GRIN2B: variants seen among roughly 807,000 people sequenced by gnomAD.
GRIN2B encodes glutamate receptor ionotropic, NMDA 2B.
A neutral mutation model predicts 114.5 loss-of-function variants in GRIN2B; 5 were observed. The ratio of observed to expected loss-of-function variants is 0.04; its 90% CI spans 0.02 to 0.09. The LOEUF (loss-of-function observed/expected upper bound fraction) is 0.09. GRIN2B is among the 10% of genes least tolerant of loss of function. The pLI, the probability that GRIN2B is intolerant of heterozygous loss-of-function variation, is 1.00. For missense variants in GRIN2B, 1,108 were observed against 1,943.5 expected (o/e 0.57, Z 8.08); for synonymous variants, 787 against 745.1 (o/e 1.06, Z -0.92).
intron 3 of GRIN2B, among the ~76,000 whole-genome samples, chr12:13,782,979 T>C (rs1343515675): frequency 1.3e-5 from 2 of 152,234 alleles, no homozygotes; most frequent in East Asian, 1.9e-4. Context: ...ATTTAGAGGA[T>C]GCCAGTGACT....
At chr12:13,769,427 T>A (rs1396009126) in intron 3 of GRIN2B, among the ~76,000 whole-genome samples, 1 of 152,136 alleles carries the variant, frequency 6.6e-6, no homozygotes, top group Non-Finnish European at 1.5e-5. Flanking sequence ...TCATACTCAG[T>A]GTTTCGTGCA....
intron 5 of GRIN2B, among the ~76,000 whole-genome samples, chr12:13,665,456 C>G: frequency 6.6e-6 from 1 of 152,096 alleles, no homozygotes; most frequent in East Asian, 1.9e-4. Flanking sequence ...GTCCTCTTGT[C>G]TATGAATTTA....
At chr12:13,845,016 G>A (rs192074613) in intron 3 of GRIN2B, among the ~76,000 whole-genome samples, 1 of 152,130 alleles carries the variant, frequency 6.6e-6, no homozygotes, top group East Asian at 1.9e-4. Context: ...GCATACTTGA[G>A]CACTTCTTTC....
intron 4 of GRIN2B, among the ~76,000 whole-genome samples, chr12:13,729,372 T>C (rs891319470): frequency 6.6e-6 from 1 of 152,202 alleles, no homozygotes; most frequent in Non-Finnish European, 1.5e-5. Flanking sequence ...CAGAGTCCTA[T>C]CTTCCTTCTG....
Position 13,561,833 on chromosome 12 carries a change from C to G in GRIN2B, c.*950G>C, listed in dbSNP as rs2136400749. On this transcript the variant is annotated 3_prime_UTR_variant, in exon 14 of 14. Coordinates refer to ENST00000609686, the MANE Select transcript of GRIN2B (RefSeq NM_000834.5). ...GCTCACCGCCTTTTTTTGTTTAGACCACAGAATCTTCTTTATCAAGAATTT... is the reference window on the plus strand; with the variant it reads ...GCTCACCGCCTTTTTTTGTTTAGACGACAGAATCTTCTTTATCAAGAATTT... 1 of 152,668 alleles carries G rather than the reference C, an allele frequency of 6.6e-6. No individual in the cohort carries two copies. The allele number at this position is 152,668 out of a possible 1,614,324, so 9.5% of individuals were successfully genotyped here.
intron 3 of GRIN2B, among the ~76,000 whole-genome samples, chr12:13,814,808 A>T (rs1474283273): frequency 1.3e-5 from 2 of 152,216 alleles, no homozygotes; most frequent in Non-Finnish European, 2.9e-5. Context: ...TTTAAATTGA[A>T]ATCTAAATAG....
At chr12:13,574,965 G>A (rs906894607) in intron 10 of GRIN2B, among the ~76,000 whole-genome samples, 1 of 152,148 alleles carries the variant, frequency 6.6e-6, no homozygotes, top group African/African-American at 2.4e-5. Context: ...GAGATAGGAT[G>A]GCCTTTAACA....
chr12:13,752,211 T>C (rs1372504690), intron 4 of GRIN2B, among the ~76,000 whole-genome samples: 2 of 152,210 alleles, frequency 1.3e-5, no homozygotes, highest in African/African-American at 4.8e-5. Flanking sequence ...AGCTAGATAG[T>C]GAGTACCTGA....
At chr12:13,733,012 T>C (rs747018255) in intron 4 of GRIN2B, among the ~76,000 whole-genome samples, 2 of 152,062 alleles carry the variant, frequency 1.3e-5, no homozygotes, top group Non-Finnish European at 2.9e-5. Flanking sequence ...CACACACATA[T>C]ATTAAAAGTT....
At chr12:13,744,717 G>A (rs2097964535) in intron 4 of GRIN2B, among the ~76,000 whole-genome samples, 2 of 152,312 alleles carry the variant, frequency 1.3e-5, no homozygotes, top group African/African-American at 4.8e-5. Context: ...GATTTCAGCA[G>A]CGGGAAGCCC....
intron 4 of GRIN2B, among the ~76,000 whole-genome samples, chr12:13,724,083 C>T (rs747566137): frequency 9.2e-5 from 14 of 152,102 alleles, no homozygotes; most frequent in Non-Finnish European, 1.9e-4. Flanking sequence ...CTCCTCCCCT[C>T]TTGCCAAAGG....
chr12:13,875,442 G>T (rs982429990), intron 2 of GRIN2B, among the ~76,000 whole-genome samples: 1 of 152,124 alleles, frequency 6.6e-6, no homozygotes, highest in Non-Finnish European at 1.5e-5. Context: ...CAGGAGAATC[G>T]CTTGAACCCA....
intron 2 of GRIN2B, among the ~76,000 whole-genome samples, chr12:13,943,054 C>T (rs764638579): frequency 2.6e-5 from 4 of 152,072 alleles, no homozygotes; most frequent in Non-Finnish European, 4.4e-5. Context: ...AGGGATGCCA[C>T]AGGGAATTAG....
intron 2 of GRIN2B, among the ~76,000 whole-genome samples, chr12:13,912,771 G>T (rs977848166): frequency 1.3e-5 from 2 of 152,066 alleles, no homozygotes; most frequent in African/African-American, 4.8e-5. Flanking sequence ...GGAGTTCTTC[G>T]GGGGAGTGAA....
intron 2 of GRIN2B, among the ~76,000 whole-genome samples, chr12:13,923,835 C>T (rs1866866491): frequency 6.6e-6 from 1 of 152,130 alleles, no homozygotes; most frequent in Non-Finnish European, 1.5e-5. Flanking sequence ...AGCCAGTCTA[C>T]CCTCAGCCCA....
At chr12:13,612,654 T>C (rs1949380931) in intron 8 of GRIN2B, among the ~76,000 whole-genome samples, 1 of 152,248 alleles carries the variant, frequency 6.6e-6, no homozygotes, top group African/African-American at 2.4e-5. Context: ...ATGCTTTCTT[T>C]AATATCTTTA....
intron 3 of GRIN2B, among the ~76,000 whole-genome samples, chr12:13,838,508 A>C (rs1865319152): frequency 6.6e-6 from 1 of 151,722 alleles, no homozygotes; most frequent in Non-Finnish European, 1.5e-5. Context: ...TTATCACATT[A>C]CTTCAATGGC....
intron 2 of GRIN2B, among the ~76,000 whole-genome samples, chr12:13,888,414 A>G (rs371736692): frequency 6.9e-6 from 1 of 144,986 alleles, no homozygotes; most frequent in South Asian, 2.2e-4. Context: ...AAAAAGGTGC[A>G]GTATAAATAC....
At chr12:13,623,317 C>T (rs1013694653) in intron 5 of GRIN2B, among the ~76,000 whole-genome samples, 1 of 152,044 alleles carries the variant, frequency 6.6e-6, no homozygotes, top group African/African-American at 2.4e-5. Flanking sequence ...CATCAATTCC[C>T]AGAAATGAAA....
Sources: gnomAD v4.1 joint callset for allele counts (sites outside exome capture counted in the v4.1 genomes callset) on GRCh38, gnomAD v4.1.1 for gene constraint, MANE v1.5 for transcripts, NCBI Gene and HGNC (gene_info 2026-07-23, HGNC 2026-07-21) for gene names.